The following PIK3R3 variants were observed in gnomAD, a reference collection of about 807,000 sequenced individuals.
The protein encoded by PIK3R3 is phosphatidylinositol 3-kinase regulatory subunit gamma.
Under a neutral mutation model 62.9 loss-of-function variants are expected in PIK3R3, and 64 were observed. The observed-to-expected ratio is 1.02, with a 90% CI of 0.83 to 1.25. The LOEUF is 1.25. PIK3R3 is among the 50% of genes most tolerant of loss of function. PIK3R3 has a pLI of 0.00. For missense variants in PIK3R3, 614 were observed against 561.6 expected (o/e 1.09, Z -0.94); for synonymous variants, 165 against 189.0 (o/e 0.87, Z 1.04).
At chr1:46,081,097 T>C (rs988417572) in intron 1 of PIK3R3, among the ~76,000 whole-genome samples, 1 of 152,164 alleles carries the variant, frequency 6.6e-6, no homozygotes, top group Admixed American at 6.5e-5. Context: ...TTAATAACAT[T>C]GTATTATATA....
the PIK3R3 span, among the ~76,000 whole-genome samples, chr1:46,151,144 A>T: frequency 6.6e-6 from 1 of 152,000 alleles, no homozygotes; most frequent in East Asian, 1.9e-4. Context: ...TCTAGACTTG[A>T]TCCCCACCAA....
At position 46,132,454 on chromosome 1, in the gene PIK3R3, G is replaced by A. The variant is rs1490632681; in HGVS notation, c.-502C>T. 2.5e-6 allele frequency: 3 copies of A among 1,192,208 alleles called. No homozygotes were observed. Among genetic ancestry groups the A allele is most frequent in the Non-Finnish European group, 3.2e-6 (3 of 943,614 alleles). The allele number at this position is 1,192,208 out of a possible 1,614,324, so 73.9% of individuals were successfully genotyped here. ...TCGGGGTCCCACTGGTCTGCAGAGA[G>A]CGAATCCCCCAGAGGCCGGGACTCG... On this transcript the variant is annotated 5_prime_UTR_variant, in exon 1 of 10. Transcript: ENST00000262741.
chr1:46,117,983 T>C (rs1415600192), intron 1 of PIK3R3, among the ~76,000 whole-genome samples: 2 of 149,050 alleles, frequency 1.3e-5, no homozygotes, highest in Non-Finnish European at 3.0e-5. Flanking sequence ...AAGGCTAAGG[T>C]GGGAGGACCA....
chr1:46,167,154 G>A, the PIK3R3 span, among the ~76,000 whole-genome samples: 1 of 152,270 alleles, frequency 6.6e-6, no homozygotes. Flanking sequence ...TTGGGTCAGG[G>A]CCAGGAAAGG....
At chr1:46,156,307 A>G in the PIK3R3 span, among the ~76,000 whole-genome samples, 1 of 152,008 alleles carries the variant, frequency 6.6e-6, no homozygotes, top group South Asian at 2.1e-4. Context: ...TAAAAATACA[A>G]AAATTAGCCG....
In PIK3R3 at chr1:46,062,110, CTTTAT is replaced by C; in HGVS notation, c.622-44_622-40del. 5 of 1,550,022 alleles carry C rather than the reference CTTTAT, an allele frequency of 3.2e-6. No homozygotes were observed. The South Asian group carries it at 6.0e-5, about 19-fold the overall frequency. On this transcript the variant is annotated intron_variant, in intron 5 of 9. Coordinates refer to ENST00000262741, the MANE Select transcript of PIK3R3 (RefSeq NM_003629.4). ...AAAGAAAAAACACAGGCTTCATTAT[CTTTAT>C]TATTTTCTTCTAACCTTGGTCTTAA...
chr1:46,093,666 G>T (rs1316195967), intron 1 of PIK3R3, among the ~76,000 whole-genome samples: 2 of 152,034 alleles, frequency 1.3e-5, no homozygotes, highest in African/African-American at 4.8e-5. Flanking sequence ...TACGCGGGCA[G>T]ATCACTTGAG....
chr1:46,054,274 T>C (rs1286944854), intron 7 of PIK3R3, among the ~76,000 whole-genome samples: 1 of 151,728 alleles, frequency 6.6e-6, no homozygotes, highest in Non-Finnish European at 1.5e-5. Flanking sequence ...CATGCCTGTA[T>C]TCCCAGCTAC....
chr1:46,136,476 C>T (rs1655936039), upstream of PIK3R3, among the ~76,000 whole-genome samples: 1 of 152,020 alleles, frequency 6.6e-6, no homozygotes, highest in Non-Finnish European at 1.5e-5. Context: ...AATGGTATTC[C>T]TTGTATTTGG....
chr1:46,053,958 T>C (rs979859506), intron 7 of PIK3R3, among the ~76,000 whole-genome samples: 1 of 152,170 alleles, frequency 6.6e-6, no homozygotes, highest in African/African-American at 2.4e-5. Flanking sequence ...AGCACCCTCC[T>C]TGCCTTGTTT....
chr1:46,157,444 T>C, the PIK3R3 span, among the ~76,000 whole-genome samples: 1 of 152,188 alleles, frequency 6.6e-6, no homozygotes, highest in Admixed American at 6.5e-5. Context: ...ATAGATTGGC[T>C]TTCCTCTTTA....
the PIK3R3 span, among the ~76,000 whole-genome samples, chr1:46,152,790 C>T: frequency 6.6e-6 from 1 of 152,108 alleles, no homozygotes; most frequent in East Asian, 1.9e-4. Context: ...GTCTCGATCT[C>T]CTGACCTCGT....
In PIK3R3 at chr1:46,066,053, C is replaced by A; in HGVS notation, c.621+1G>T. 1 of 1,607,510 alleles carries A rather than the reference C, an allele frequency of 6.2e-7. No individual in the cohort carries two copies. Among genetic ancestry groups the A allele is most frequent in the East Asian group, 2.2e-5 (1 of 44,670 alleles). On this transcript the variant is annotated splice_donor_variant, in intron 5 of 9. Transcript: ENST00000262741. LOFTEE classifies it high-confidence loss of function. ...AGTCAAAAACAACATAATATACCAA[C>A]CTGGGATGTTCTAGTATATTCTTCA...
chr1:46,127,476 A>G (rs1192668172), intron 1 of PIK3R3, among the ~76,000 whole-genome samples: 2 of 152,148 alleles, frequency 1.3e-5, no homozygotes, highest in Admixed American at 6.5e-5. Context: ...ACATTTTCCT[A>G]AAATGAAAAC....
At chr1:46,111,423 A>G (rs1653731916) in intron 1 of PIK3R3, among the ~76,000 whole-genome samples, 3 of 151,906 alleles carry the variant, frequency 2.0e-5, no homozygotes, top group Non-Finnish European at 4.4e-5. Context: ...AGGGGAATAT[A>G]ATTAGAAAAG....
intron 6 of PIK3R3, 28 bp downstream of exon 6, chr1:46,061,901 T>C: frequency 6.3e-7 from 1 of 1,595,700 alleles, no homozygotes; most frequent in Non-Finnish European, 8.6e-7. Context: ...GTCTCACTGA[T>C]GCCCTTGGAG....
chr1:46,063,079 TCTGAACTC>T (rs1226797647), intron 5 of PIK3R3, among the ~76,000 whole-genome samples: 1 of 152,228 alleles, frequency 6.6e-6, no homozygotes, highest in African/African-American at 2.4e-5. Context: ...GGAACAGATT[TCTGAACTC>T]TAATAAGGTT....
chr1:46,087,259 G>A (rs1651154613), intron 1 of PIK3R3, among the ~76,000 whole-genome samples: 1 of 150,958 alleles, frequency 6.6e-6, no homozygotes, highest in Non-Finnish European at 1.5e-5. Context: ...AGAACTTAAA[G>A]TATAATAATA....
At chr1:46,109,065 A>G (rs1030242945) in intron 1 of PIK3R3, among the ~76,000 whole-genome samples, 1 of 151,874 alleles carries the variant, frequency 6.6e-6, no homozygotes, top group African/African-American at 2.4e-5. Flanking sequence ...AGGCTGAGGC[A>G]GGAGAATGGC....
Sources: allele counts gnomAD v4.1 joint callset (sites outside exome capture counted in the v4.1 genomes callset), GRCh38; gene constraint gnomAD v4.1.1; transcripts MANE v1.5; gene names NCBI Gene and HGNC (gene_info 2026-07-23, HGNC 2026-07-21).